The following IGF1 variants were observed in gnomAD, a reference collection of about 807,000 sequenced individuals.
IGF1 encodes insulin-like growth factor 1.
Under a neutral mutation model 13.8 loss-of-function variants are expected in IGF1, and 4 were observed. The observed-to-expected ratio is 0.29, with a 90% CI of 0.14 to 0.66. The LOEUF (loss-of-function observed/expected upper bound fraction) is 0.66, where lower values mean the gene tolerates loss of function less well. Among genes scored for constraint, IGF1 ranks in the 30% least tolerant of loss-of-function variants. IGF1 has a pLI of 0.78. For missense variants in IGF1, 124 were observed against 188.5 expected, an observed-to-expected ratio of 0.66 and a Z score of 2.00; for synonymous variants, 76 against 72.6, an observed-to-expected ratio of 1.05 and a Z score of -0.23.
chr12:102,429,973 G>A (rs755987693), intron 2 of IGF1, among the ~76,000 whole-genome samples: 8 of 152,204 alleles, frequency 5.3e-5, no homozygotes, highest in South Asian at 2.1e-4. Flanking sequence ...AATACGCAAT[G>A]TGAGACCTAA....
At chr12:102,457,517 CT>C (rs1331287901) in intron 2 of IGF1, among the ~76,000 whole-genome samples, 4 of 152,162 alleles carry the variant, frequency 2.6e-5, no homozygotes, top group African/African-American at 7.2e-5. Context: ...TATTTCTGGC[CT>C]CTCTCAGTCT....
intron 3 of IGF1, among the ~76,000 whole-genome samples, chr12:102,418,566 T>C (rs1875373246): frequency 1.3e-5 from 2 of 152,258 alleles, no homozygotes; most frequent in African/African-American, 4.8e-5. Flanking sequence ...ATTTCTTTTT[T>C]CAACAGAGTC....
At chr12:102,434,509 A>G (rs1192171750) in intron 2 of IGF1, among the ~76,000 whole-genome samples, 1 of 145,544 alleles carries the variant, frequency 6.9e-6, no homozygotes, top group Non-Finnish European at 1.5e-5. Context: ...ATAGTATTCC[A>G]TGGTGTATAT....
chr12:102,417,571 AT>A (rs549389180), intron 3 of IGF1: 6,225 of 977,006 alleles, frequency 6.4e-3, no homozygotes, highest in East Asian at 0.015. Flanking sequence ...TATAATTTTT[AT>A]TTTTTTTTTT....
intron 2 of IGF1, among the ~76,000 whole-genome samples, chr12:102,443,625 T>C (rs5742648): frequency 1.4e-3 from 218 of 152,160 alleles, no homozygotes; most frequent in Non-Finnish European, 2.6e-3. Flanking sequence ...AACCTCCTCT[T>C]GAATGAACAA....
At chr12:102,430,719 A>C (rs760007490) in intron 2 of IGF1, among the ~76,000 whole-genome samples, 39 of 152,098 alleles carry the variant, frequency 2.6e-4, no homozygotes, top group Non-Finnish European at 4.7e-4. Context: ...TCTCCTCTTC[A>C]TCTCTCTTCC....
chr12:102,406,319 A>G (rs1339872650), intron 3 of IGF1, among the ~76,000 whole-genome samples: 2 of 152,200 alleles, frequency 1.3e-5, no homozygotes, highest in African/African-American at 4.8e-5. Flanking sequence ...GCATGTTAGA[A>G]GCAGCCGTCA....
intron 3 of IGF1, among the ~76,000 whole-genome samples, chr12:102,414,216 TACAC>T (rs895573197): frequency 1.3e-5 from 2 of 151,774 alleles, no homozygotes; most frequent in African/African-American, 4.8e-5. Context: ...CTCACACACA[TACAC>T]ACACACAATC....
intron 2 of IGF1, among the ~76,000 whole-genome samples, chr12:102,469,033 C>G (rs1450211206): frequency 6.6e-6 from 1 of 152,212 alleles, no homozygotes; most frequent in Non-Finnish European, 1.5e-5. Flanking sequence ...TGCCAAAATT[C>G]TCTCCTGGAT....
At chr12:102,426,487 A>G (rs1876218192) in intron 2 of IGF1, among the ~76,000 whole-genome samples, 1 of 152,258 alleles carries the variant, frequency 6.6e-6, no homozygotes, top group African/African-American at 2.4e-5. Context: ...GTCGAAGCAG[A>G]TGGCCTTTCT....
rs538426762 is a variant in IGF1, at chr12:102,472,849, C to T, written c.220+2794G>A. On this transcript the variant is annotated intron_variant, in intron 2 of 3. Coordinates refer to ENST00000337514, the MANE Select transcript of IGF1 (RefSeq NM_000618.5). Reference sequence around the variant, plus strand: ...CCTGGGGATGACCAAAATGCAGCAGCCTCTAAGTCATTGTTAGTATATATT... The same window carrying T: ...CCTGGGGATGACCAAAATGCAGCAGTCTCTAAGTCATTGTTAGTATATATT... Among the ~76,000 whole-genome samples, 30 of 151,996 alleles carry T rather than the reference C, an allele frequency of 2.0e-4. 1 individual carries two copies. The South Asian group carries it at 5.0e-3, about 25-fold the overall frequency.
intron 2 of IGF1, among the ~76,000 whole-genome samples, chr12:102,427,190 T>G (rs1184975894): frequency 6.6e-6 from 1 of 152,190 alleles, no homozygotes; most frequent in Non-Finnish European, 1.5e-5. Context: ...TACGTGGGCC[T>G]TAGCTGTCTC....
intron 2 of IGF1, among the ~76,000 whole-genome samples, chr12:102,451,614 G>A (rs1878938921): frequency 6.6e-6 from 1 of 152,230 alleles, no homozygotes; most frequent in African/African-American, 2.4e-5. Flanking sequence ...GAAAACTTGA[G>A]GAATATACTG....
At chr12:102,479,987 T>A (rs183214597) in intron 1 of IGF1, among the ~76,000 whole-genome samples, 4 of 129,404 alleles carry the variant, frequency 3.1e-5, no homozygotes, top group Non-Finnish European at 6.8e-5. Context: ...AAAAAAAAAA[T>A]CCCCAAGTTC....
At chr12:102,477,208 A>T (rs1881104626) in intron 1 of IGF1, among the ~76,000 whole-genome samples, 1 of 150,960 alleles carries the variant, frequency 6.6e-6, no homozygotes, top group Admixed American at 6.6e-5. Flanking sequence ...CAGTGGCAAA[A>T]TTTTCCCCAT....
chr12:102,458,435 C>T (rs1879610101), intron 2 of IGF1, among the ~76,000 whole-genome samples: 1 of 152,098 alleles, frequency 6.6e-6, no homozygotes, highest in South Asian at 2.1e-4. Flanking sequence ...ACCTAAATTC[C>T]CTTAGTAGTT....
chr12:102,448,721 A>C, intron 2 of IGF1, among the ~76,000 whole-genome samples: 1 of 149,368 alleles, frequency 6.7e-6, no homozygotes, highest in Non-Finnish European at 1.5e-5. Context: ...AAAAAATCTC[A>C]TCAGAAAGTG....
chr12:102,434,146 CT>C lies in IGF1; in HGVS notation c.221-14457del, dbSNP rs549090422. ...GGGCATTTCAAAAGTACAGTCATCTCTTTTTTTTTTTTTTTATTATACTTTA... is the reference window on the plus strand; with the variant it reads ...GGGCATTTCAAAAGTACAGTCATCTCTTTTTTTTTTTTTTATTATACTTTA... On this transcript the variant is annotated intron_variant, in intron 2 of 3. Coordinates refer to ENST00000337514, the MANE Select transcript of IGF1 (RefSeq NM_000618.5). Among the ~76,000 whole-genome samples, 1,334 of 138,830 alleles carry C rather than the reference CT, an allele frequency of 9.6e-3. 13 individuals carry two copies. The highest frequency in any genetic ancestry group is 0.02 in the African/African-American group (794 of 38,892). The allele number at this position is 138,830 out of a possible 152,430, so 91.1% of individuals were successfully genotyped here.
chr12:102,459,621 T>C (rs1156864277), intron 2 of IGF1, among the ~76,000 whole-genome samples: 2 of 152,166 alleles, frequency 1.3e-5, no homozygotes, highest in African/African-American at 4.8e-5. Context: ...TTGCATTGGC[T>C]GGGAACCTGG....
Sources: gnomAD v4.1 joint callset for allele counts (sites outside exome capture counted in the v4.1 genomes callset) on GRCh38, gnomAD v4.1.1 for gene constraint, MANE v1.5 for transcripts, NCBI Gene and HGNC (gene_info 2026-07-23, HGNC 2026-07-21) for gene names.